Variants in YIPF7 observed in about 807,000 individuals in gnomAD.
The protein encoded by YIPF7 is Yip1 domain family member 7.
YIPF7 carries 35 observed loss-of-function variants against 27.2 expected under a neutral mutation model. The ratio of observed to expected loss-of-function variants is 1.29; its 90% CI spans 0.98 to 1.70. The LOEUF is 1.70. YIPF7 is among the 40% of genes most tolerant of loss of function. The probability of loss-of-function intolerance (pLI) is 0.00; values close to 1 mark genes in which losing one functional copy is unlikely to be tolerated. For synonymous variants in YIPF7, 137 were observed against 110.4 expected, an observed-to-expected ratio of 1.24 and a Z score of -1.51; for missense variants, 358 against 303.7, an observed-to-expected ratio of 1.18 and a Z score of -1.33.
At chr4:44,633,987 C>T (rs1224943697) in intron 3 of YIPF7, among the ~76,000 whole-genome samples, 1 of 152,008 alleles carries the variant, frequency 6.6e-6, no homozygotes, top group Non-Finnish European at 1.5e-5. Context: ...AGTAGAACAC[C>T]ATTTTTGAGA....
intron 3 of YIPF7, among the ~76,000 whole-genome samples, chr4:44,635,045 G>A (rs74704084): frequency 0.012 from 1,895 of 152,244 alleles, 23 homozygotes; most frequent in Non-Finnish European, 0.017. Context: ...AGAAGAATGT[G>A]GCTGGTTGTG....
chr4:44,635,855 A>G (rs1713096040), intron 3 of YIPF7, 67 bp downstream of exon 3: 4 of 1,547,724 alleles, frequency 2.6e-6, no homozygotes, highest in Non-Finnish European at 2.6e-6. Flanking sequence ...GACAGCACAC[A>G]TTAAGTGCTA....
upstream of YIPF7, among the ~76,000 whole-genome samples, chr4:44,654,621 A>C (rs765807596): frequency 1.3e-5 from 2 of 152,004 alleles, no homozygotes; most frequent in African/African-American, 4.8e-5. Flanking sequence ...TATTTGATAG[A>C]CATTTCAAAC....
intron 2 of YIPF7, among the ~76,000 whole-genome samples, chr4:44,658,978 A>G (rs1437838374): frequency 1.3e-5 from 2 of 152,140 alleles, no homozygotes; most frequent in Non-Finnish European, 2.9e-5. Context: ...AAACCATATC[A>G]CTATTATTTA....
At chr4:44,653,214 A>T (rs1713787870), upstream of YIPF7, among the ~76,000 whole-genome samples, 2 of 152,194 alleles carry the variant, frequency 1.3e-5, no homozygotes, top group Middle Eastern at 3.4e-3. Context: ...GTTGAAGGAG[A>T]TGAGGTCAGA....
intron 2 of YIPF7, 32 bp from the exon 3 acceptor site, chr4:44,636,117 T>C: frequency 6.4e-7 from 1 of 1,563,970 alleles, no homozygotes. Flanking sequence ...CATTTACATG[T>C]CTAAGAAAAA....
chr4:44,632,594 T>C (rs1194412109), intron 3 of YIPF7, among the ~76,000 whole-genome samples: 15 of 152,236 alleles, frequency 9.9e-5, no homozygotes, highest in Non-Finnish European at 2.2e-4. Context: ...TAGGACACTT[T>C]TGAAACAACA....
chr4:44,639,175 T>A (rs2109589251), intron 2 of YIPF7, among the ~76,000 whole-genome samples: 1 of 152,292 alleles, frequency 6.6e-6, no homozygotes, highest in South Asian at 2.1e-4. Context: ...CTATTCAGGC[T>A]TTTTTCTCCT....
At chr4:44,624,471 G>A (rs1210026160) in intron 5 of YIPF7, 130 bp downstream of exon 5, 2 of 1,065,972 alleles carry the variant, frequency 1.9e-6, no homozygotes, top group Non-Finnish European at 2.6e-6. Flanking sequence ...TCTATGAGTA[G>A]CTTTTAATAG....
At chr4:44,647,652 T>C (rs572801820) in intron 2 of YIPF7, among the ~76,000 whole-genome samples, 38 of 152,272 alleles carry the variant, frequency 2.5e-4, no homozygotes, top group African/African-American at 7.2e-4. Flanking sequence ...CAGGATAGCA[T>C]AGGAGTGTGA....
intron 1 of YIPF7, among the ~76,000 whole-genome samples, chr4:44,660,856 G>T (rs1714028038): frequency 6.6e-6 from 1 of 152,170 alleles, no homozygotes; most frequent in African/African-American, 2.4e-5. Context: ...ATATGTTTTT[G>T]TAGGATGGAA....
intron 2 of YIPF7, among the ~76,000 whole-genome samples, chr4:44,657,339 C>T (rs565639462): frequency 6.6e-6 from 1 of 152,262 alleles, no homozygotes; most frequent in South Asian, 2.1e-4. Flanking sequence ...TTCTGCCTTG[C>T]AGTATTTATG....
upstream of YIPF7, among the ~76,000 whole-genome samples, chr4:44,652,210 A>G (rs1713759292): frequency 6.6e-6 from 1 of 152,106 alleles, no homozygotes; most frequent in Admixed American, 6.5e-5. Context: ...TAACCACTGG[A>G]AGGTGTTAGG....
chr4:44,651,716 C>A, upstream of YIPF7: 1 of 957,726 alleles, frequency 1.0e-6, no homozygotes, highest in Non-Finnish European at 1.5e-6. Flanking sequence ...AATAAAAAAG[C>A]CTGCCAAAAG....
In YIPF7 at chr4:44,650,196, G is replaced by A. The variant is rs1029161398; in HGVS notation, c.-1-95C>T. The A allele has an allele frequency of 6.5e-6, 5 of 764,818 alleles. No homozygotes were observed. In the Admixed American group the frequency reaches 6.9e-5, roughly 11 times the overall value. The allele number at this position is 764,818 out of a possible 1,614,324, so 47.4% of individuals were successfully genotyped here. On this transcript the variant is annotated intron_variant, in intron 1 of 5. Transcript: ENST00000415895. Reference sequence around the variant, plus strand: ...ATCAAATGACAATGTGATTATGGCTGAATTCCTATCAGAAAAAAAGATGTC... The same window carrying A: ...ATCAAATGACAATGTGATTATGGCTAAATTCCTATCAGAAAAAAAGATGTC...
intron 4 of YIPF7, among the ~76,000 whole-genome samples, chr4:44,626,661 A>G (rs1265335472): frequency 6.6e-6 from 1 of 151,812 alleles, no homozygotes; most frequent in Non-Finnish European, 1.5e-5. Flanking sequence ...AAAGTGTTTC[A>G]AATTCTAACA....
intron 2 of YIPF7, among the ~76,000 whole-genome samples, chr4:44,645,094 A>G (rs994489223): frequency 1.3e-5 from 2 of 151,816 alleles, no homozygotes; most frequent in African/African-American, 2.4e-5. Context: ...AGCCAATTAA[A>G]CCTCTTTGCT....
intron 4 of YIPF7, among the ~76,000 whole-genome samples, chr4:44,625,640 C>T (rs1036700763): frequency 6.6e-6 from 1 of 152,094 alleles, no homozygotes; most frequent in African/African-American, 2.4e-5. Context: ...GAGTACACTA[C>T]CAATCTTCTG....
chr4:44,653,943 ATGT>A (rs1262696066), upstream of YIPF7, among the ~76,000 whole-genome samples: 3 of 152,000 alleles, frequency 2.0e-5, no homozygotes, highest in Non-Finnish European at 4.4e-5. Context: ...TTATTTTGTG[ATGT>A]TGTACTTTTC....
Sources: allele counts gnomAD v4.1 joint callset (sites outside exome capture counted in the v4.1 genomes callset), GRCh38; gene constraint gnomAD v4.1.1; transcripts MANE v1.5; gene names NCBI Gene and HGNC (gene_info 2026-07-23, HGNC 2026-07-21).